The following GREB1L variants were observed in gnomAD, a reference collection of about 807,000 sequenced individuals.
GREB1L encodes the protein GREB1 like retinoic acid receptor coactivator.
In GREB1L, 17 loss-of-function variants were observed where a neutral mutation model predicts 200.8. The ratio of observed to expected loss-of-function variants is 0.08; its 90% confidence interval spans 0.06 to 0.13. The LOEUF is 0.13. GREB1L is among the 10% of genes least tolerant of loss of function. The pLI is 1.00. For synonymous variants in GREB1L, 789 were observed against 893.0 expected (o/e 0.88, Z 2.08); for missense variants, 1,657 against 2,367.7 (o/e 0.70, Z 6.23).
intron 2 of GREB1L, among the ~76,000 whole-genome samples, chr18:21,374,318 T>A (rs1202099425): frequency 6.6e-6 from 1 of 152,196 alleles, no homozygotes. Flanking sequence ...TAGTTCTTGA[T>A]AACCTTTGCT....
At chr18:21,478,870 A>G (rs1282721158) in intron 17 of GREB1L, among the ~76,000 whole-genome samples, 4 of 152,154 alleles carry the variant, frequency 2.6e-5, no homozygotes, top group African/African-American at 4.8e-5. Flanking sequence ...AATGGAAAGA[A>G]TAATTATTTT....
chr18:21,419,098 C>A (rs1486453703), intron 7 of GREB1L, among the ~76,000 whole-genome samples: 1 of 152,126 alleles, frequency 6.6e-6, no homozygotes, highest in African/African-American at 2.4e-5. Flanking sequence ...ACTATTCATG[C>A]CGTATAGTTT....
chr18:21,353,798 C>G (rs2039467479), intron 1 of GREB1L, among the ~76,000 whole-genome samples: 1 of 151,690 alleles, frequency 6.6e-6, no homozygotes, highest in South Asian at 2.1e-4. Context: ...TCTTTCTTTT[C>G]TTTTTGAGGC....
intron 2 of GREB1L, among the ~76,000 whole-genome samples, chr18:21,369,929 G>A (rs2143715904): frequency 6.9e-6 from 1 of 144,500 alleles, no homozygotes; most frequent in East Asian, 2.0e-4. Context: ...AGTCTGGGCA[G>A]CAGAGCGAGA....
At chr18:21,278,206 C>A (rs2038202057) in intron 1 of GREB1L, among the ~76,000 whole-genome samples, 2 of 151,714 alleles carry the variant, frequency 1.3e-5, no homozygotes, top group Admixed American at 6.6e-5. Context: ...ATGGCGAAAC[C>A]CCATCTCTAC....
intron 28 of GREB1L, among the ~76,000 whole-genome samples, chr18:21,515,163 T>A (rs969700878): frequency 1.3e-5 from 2 of 152,226 alleles, no homozygotes; most frequent in Admixed American, 1.3e-4. Context: ...TTATTCACTG[T>A]TCACTCTGAC....
chr18:21,407,597 T>C (rs879705703), intron 7 of GREB1L, among the ~76,000 whole-genome samples: 2 of 152,150 alleles, frequency 1.3e-5, no homozygotes, highest in African/African-American at 2.4e-5. Flanking sequence ...TCTGGAAAAA[T>C]TGATAAAATA....
chr18:21,310,030 A>G (rs1214571192), intron 1 of GREB1L, among the ~76,000 whole-genome samples: 1 of 152,236 alleles, frequency 6.6e-6, no homozygotes, highest in Non-Finnish European at 1.5e-5. Flanking sequence ...TGTTCTATAC[A>G]GTAGTCATTA....
chr18:21,383,879 A>AT (rs201453784), intron 3 of GREB1L, among the ~76,000 whole-genome samples: 2,386 of 151,530 alleles, frequency 0.016, 36 homozygotes, highest in Non-Finnish European at 0.019. Context: ...CTCCTGGCTA[A>AT]TTTTTTTTGT....
rs1337319509 is a variant in GREB1L, at chr18:21,467,787, G to A, written c.2183-5244G>A. Among the ~76,000 whole-genome samples the A allele has an allele frequency of 7.2e-5, 11 of 152,240 alleles. No individual in the cohort carries two copies. The East Asian group carries it at 1.9e-3, about 27-fold the overall frequency. ...CACCTGTAATCCCAGCACTTTGGGA[G>A]GCCAAGGCGGGCGGATCACAAGGTC... On this transcript the variant is annotated intron_variant, in intron 15 of 32. Transcript: ENST00000424526.
chr18:21,503,893 CTG>C (rs2036905346), intron 23 of GREB1L, among the ~76,000 whole-genome samples: 1 of 146,034 alleles, frequency 6.8e-6, no homozygotes, highest in Non-Finnish European at 1.5e-5. Context: ...TAAAAAATAT[CTG>C]TTAGACACCA....
intron 4 of GREB1L, among the ~76,000 whole-genome samples, chr18:21,392,319 C>T (rs1438050864): frequency 6.6e-6 from 1 of 151,562 alleles, no homozygotes; most frequent in Admixed American, 6.6e-5. Flanking sequence ...CCTGTGAGCC[C>T]TGTTCCTTAA....
At position 21,500,236 on chromosome 18, in the gene GREB1L, A is replaced by C. The variant is rs1048933201; in HGVS notation, c.3899A>C (p.Asn1300Thr). ...LARQHHADYS[N>T]QLDPASGTRN... ...CGGCAGCACCACGCTGACTATAGCA[A>C]CCAGCTGGACCCGGCCTCTGGCACC... The change falls in exon 22 of 33, where the codon AAC becomes ACC. Residue 1300 changes from asparagine to threonine, a missense_variant. Around this residue, in one of 9 missense-constraint regions of GREB1L, gnomAD observed 512 missense variants for 668.3 expected, o/e 0.77. Transcript: ENST00000424526. 3 of 1,523,264 alleles carry C rather than the reference A, an allele frequency of 2.0e-6. No homozygotes were observed. The East Asian group carries it at 7.3e-5, about 37-fold the overall frequency. The allele number at this position is 1,523,264 out of a possible 1,614,324, so 94.4% of individuals were successfully genotyped here. A position where few individuals can be genotyped will look rare whatever the true frequency, so the allele number is the denominator to read the frequency against.
chr18:21,243,757 A>T (rs2037548057), intron 1 of GREB1L, among the ~76,000 whole-genome samples: 1 of 152,182 alleles, frequency 6.6e-6, no homozygotes, highest in Non-Finnish European at 1.5e-5. Context: ...AGAAAAAATT[A>T]AATTGTTGAA....
intron 2 of GREB1L, among the ~76,000 whole-genome samples, chr18:21,376,951 G>A (rs1351980881): frequency 2.6e-5 from 4 of 151,488 alleles, no homozygotes; most frequent in Admixed American, 2.0e-4. Flanking sequence ...AATTACAAAA[G>A]GACAAACTAT....
At chr18:21,341,584 G>A (rs1295849627) in intron 1 of GREB1L, among the ~76,000 whole-genome samples, 1 of 152,112 alleles carries the variant, frequency 6.6e-6, no homozygotes, top group Non-Finnish European at 1.5e-5. Context: ...TGTTGCCCAG[G>A]CTGATCTCAA....
In GREB1L at chr18:21,505,861, C is replaced by G. The variant is rs909624303; in HGVS notation, c.4280C>G (p.Ser1427Cys). The change falls in exon 25 of 33, where the codon TCC becomes TGC. Residue 1427 changes from serine (S) to cysteine (C), a missense_variant. Ser to Cys is a moderately radical substitution (Grantham distance 112). This residue lies in a region of GREB1L where 512 missense variants were observed against 668.3 expected (regional missense o/e 0.77). Coordinates refer to ENST00000424526, the MANE Select transcript of GREB1L (RefSeq NM_001142966.3). ...GAGCCCAGGAAACGGGAAACTGTAT[C>G]CATAATGCTGACCAAATATGCAGCC... ...VEEPRKRETVSIMLTKYAAYN... is the reference protein window; with the variant it reads ...VEEPRKRETVCIMLTKYAAYN... 6.4e-7 allele frequency: 1 copy of G among 1,551,976 alleles called. No individual in the cohort carries two copies. Among genetic ancestry groups the G allele is most frequent in the Admixed American group, 2.0e-5 (1 of 51,002 alleles).
chr18:21,415,273 A>C (rs1339714731), intron 7 of GREB1L, among the ~76,000 whole-genome samples: 26 of 152,182 alleles, frequency 1.7e-4, no homozygotes, highest in Admixed American at 1.7e-3. Flanking sequence ...CCCAGCATTT[A>C]GGAGGCTGAG....
At position 21,523,001 on chromosome 18, in the gene GREB1L, C is replaced by T. The variant is rs1598967863; in HGVS notation, c.*180C>T. ...GGTCTTTGGGGACATCACTTTCCTT[C>T]AGTTCCAATTACAGGACCCTTAAAT... On this transcript the variant is annotated 3_prime_UTR_variant, in exon 33 of 33. Coordinates refer to ENST00000424526, the MANE Select transcript of GREB1L (RefSeq NM_001142966.3). 7.2e-6 allele frequency: 4 copies of T among 559,194 alleles called. No individual in the cohort carries two copies. In the East Asian group the frequency reaches 1.2e-4, roughly 17 times the overall value. 34.6% of individuals were successfully genotyped at this position (559,194 alleles called of 1,614,324 possible).
Sources: allele counts gnomAD v4.1 joint callset (sites outside exome capture counted in the v4.1 genomes callset), GRCh38; gene constraint gnomAD v4.1.1; regional missense constraint gnomAD v4.1.1; transcripts MANE v1.5; gene names NCBI Gene and HGNC (gene_info 2026-07-23, HGNC 2026-07-21).